MAGI1: variants seen among roughly 807,000 people sequenced by gnomAD.
The protein encoded by MAGI1 is membrane-associated guanylate kinase, WW and PDZ domain-containing protein 1.
MAGI1 carries 58 observed loss-of-function variants against 139.9 expected under a neutral mutation model. The ratio of observed to expected loss-of-function variants is 0.41; its 90% confidence interval spans 0.34 to 0.52. The LOEUF (loss-of-function observed/expected upper bound fraction) is 0.52. MAGI1 is among the 20% of genes least tolerant of loss of function. MAGI1 has a pLI of 0.12. For synonymous variants in MAGI1, 812 were observed against 737.9 expected (o/e 1.10, Z -1.63); for missense variants, 1,874 against 1,901.6 (o/e 0.99, Z 0.27).
intron 1 of MAGI1, among the ~76,000 whole-genome samples, chr3:65,942,958 T>G (rs921265816): frequency 2.0e-5 from 3 of 151,912 alleles, no homozygotes; most frequent in African/African-American, 7.3e-5. Flanking sequence ...GAGGTGGAGG[T>G]TGCAGTGAGC....
chr3:65,585,180 C>T lies in MAGI1; in HGVS notation c.430+36792G>A, dbSNP rs72902258. 2.8e-3 allele frequency among the ~76,000 whole-genome samples: 424 copies of T among 152,202 alleles called. 2 individuals are homozygous for T. The highest frequency in any genetic ancestry group is 9.4e-3 in the African/African-American group (390 of 41,520). On this transcript the variant is annotated intron_variant, in intron 2 of 22. Transcript: ENST00000402939. The stretch of plus-strand genomic sequence containing the variant: ...TCATTCAGACAGTCAAGGACAGAGC[C>T]AAGATATAAACCCAGATCTGTCCAA...
intron 1 of MAGI1, among the ~76,000 whole-genome samples, chr3:65,764,525 C>T (rs1437342805): frequency 6.6e-6 from 1 of 152,158 alleles, no homozygotes; most frequent in East Asian, 1.9e-4. Flanking sequence ...TTTGGTTCTT[C>T]ACTTTTTACT....
At chr3:65,565,970 T>A (rs562344396) in intron 2 of MAGI1, among the ~76,000 whole-genome samples, 1 of 151,840 alleles carries the variant, frequency 6.6e-6, no homozygotes, top group South Asian at 2.1e-4. Flanking sequence ...AACGTCATAA[T>A]ATTTTAAGTT....
At chr3:65,889,668 G>C (rs997892374) in intron 1 of MAGI1, among the ~76,000 whole-genome samples, 1 of 152,100 alleles carries the variant, frequency 6.6e-6, no homozygotes, top group Non-Finnish European at 1.5e-5. Flanking sequence ...ATAACAGTAA[G>C]TAACACAACA....
At chr3:65,542,244 A>C (rs2079268669) in intron 2 of MAGI1, among the ~76,000 whole-genome samples, 1 of 152,224 alleles carries the variant, frequency 6.6e-6, no homozygotes, top group South Asian at 2.1e-4. Flanking sequence ...GGAGAATTAC[A>C]AGCCACTGCT....
At chr3:65,755,351 T>C (rs2036483381) in intron 1 of MAGI1, among the ~76,000 whole-genome samples, 1 of 152,224 alleles carries the variant, frequency 6.6e-6, no homozygotes, top group Admixed American at 6.5e-5. Context: ...CTTAAGTCAT[T>C]CAGACATGTT....
intron 1 of MAGI1, among the ~76,000 whole-genome samples, chr3:65,622,990 G>C (rs1455389733): frequency 6.6e-6 from 1 of 152,144 alleles, no homozygotes; most frequent in Non-Finnish European, 1.5e-5. Flanking sequence ...GATTTTCATG[G>C]GTTGACATTG....
At chr3:65,418,278 T>C (rs1946376471) in intron 12 of MAGI1, among the ~76,000 whole-genome samples, 1 of 152,170 alleles carries the variant, frequency 6.6e-6, no homozygotes, top group African/African-American at 2.4e-5. Flanking sequence ...CTTGCCTCCC[T>C]AACTAGATTG....
intron 13 of MAGI1, among the ~76,000 whole-genome samples, chr3:65,400,490 CA>C (rs1944776316): frequency 6.6e-6 from 1 of 152,078 alleles, no homozygotes; most frequent in Non-Finnish European, 1.5e-5. Flanking sequence ...TTCCCTCCCC[CA>C]AATCTTCTAA....
chr3:65,598,106 C>T (rs1184599707), intron 2 of MAGI1, among the ~76,000 whole-genome samples: 1 of 152,106 alleles, frequency 6.6e-6, no homozygotes, highest in Admixed American at 6.6e-5. Context: ...TAACACATGA[C>T]AACAATTTCC....
intron 5 of MAGI1, among the ~76,000 whole-genome samples, chr3:65,463,557 A>AAT (rs1553648044): frequency 2.3e-5 from 2 of 88,274 alleles, no homozygotes; most frequent in Admixed American, 1.3e-4. Flanking sequence ...ATTGGCCTGA[A>AAT]ATGTGTGTGT....
chr3:65,620,922 A>G (rs1243511714), intron 2 of MAGI1, among the ~76,000 whole-genome samples: 1 of 152,218 alleles, frequency 6.6e-6, no homozygotes, highest in Non-Finnish European at 1.5e-5. Flanking sequence ...TAAAATCTAC[A>G]GAATGCCTGA....
chr3:66,032,902 G>A (rs1385305347), intron 1 of MAGI1, among the ~76,000 whole-genome samples: 6 of 105,870 alleles, frequency 5.7e-5, no homozygotes, highest in Admixed American at 2.3e-4. Flanking sequence ...GCAACAGAGC[G>A]AAACTCCATC....
chr3:65,393,694 T>C (rs1374887269), intron 13 of MAGI1, among the ~76,000 whole-genome samples: 1 of 152,138 alleles, frequency 6.6e-6, no homozygotes, highest in Non-Finnish European at 1.5e-5. Flanking sequence ...TTCCTCAAAT[T>C]AATAGATGCC....
chr3:65,976,638 C>CA (rs915179161), intron 1 of MAGI1, among the ~76,000 whole-genome samples: 6 of 151,288 alleles, frequency 4.0e-5, no homozygotes, highest in African/African-American at 1.2e-4. Flanking sequence ...CTCAAACAAA[C>CA]AAAAAAAAGA....
chr3:65,725,059 C>T (rs761935480), intron 1 of MAGI1, among the ~76,000 whole-genome samples: 6 of 152,178 alleles, frequency 3.9e-5, no homozygotes, highest in Admixed American at 3.3e-4. Context: ...TTTTAAATCA[C>T]AACACCCAGG....
chr3:65,883,351 T>A (rs2108536859), intron 1 of MAGI1, among the ~76,000 whole-genome samples: 1 of 152,246 alleles, frequency 6.6e-6, no homozygotes, highest in South Asian at 2.1e-4. Flanking sequence ...CAAATTCCAG[T>A]CTAAAAGAAG....
chr3:65,360,405 T>C (rs1940715069), intron 22 of MAGI1: 1 of 969,832 alleles, frequency 1.0e-6, no homozygotes. Context: ...TAGGACATAA[T>C]TATTATCATA....
intron 1 of MAGI1, among the ~76,000 whole-genome samples, chr3:65,661,510 C>CTA (rs999659727): frequency 6.6e-6 from 1 of 152,136 alleles, no homozygotes; most frequent in Admixed American, 6.5e-5. Context: ...AAGTCTGAGA[C>CTA]TATCGTCAAG....
Sources: gnomAD v4.1 joint callset for allele counts (sites outside exome capture counted in the v4.1 genomes callset) on GRCh38, gnomAD v4.1.1 for gene constraint, MANE v1.5 for transcripts, NCBI Gene and HGNC (gene_info 2026-07-23, HGNC 2026-07-21) for gene names.